NHSL1: variants seen among roughly 807,000 people sequenced by gnomAD.
NHSL1 encodes the protein NHS like 1.
A neutral mutation model predicts 95.0 loss-of-function variants in NHSL1; 48 were observed. That is an observed-to-expected ratio of 0.51 (90% confidence interval 0.40 to 0.64). NHSL1 has a LOEUF of 0.64. Ranked by LOEUF, NHSL1 falls within the 30% of genes least tolerant of loss-of-function variation. The pLI, the probability that NHSL1 is intolerant of heterozygous loss-of-function variation, is 0.00. For synonymous variants in NHSL1, 783 were observed against 833.9 expected (o/e 0.94, Z 1.05); for missense variants, 1,971 against 2,077.7 (o/e 0.95, Z 1.00).
chr6:138,546,732 A>T (rs1180069253), upstream of NHSL1, among the ~76,000 whole-genome samples: 1 of 152,256 alleles, frequency 6.6e-6, no homozygotes, highest in African/African-American at 2.4e-5. Flanking sequence ...GCAGCATTAG[A>T]GTACGAGAAT....
At chr6:138,641,969 A>G (rs193220238) in intron 1 of NHSL1, among the ~76,000 whole-genome samples, 6 of 152,324 alleles carry the variant, frequency 3.9e-5, no homozygotes, top group Non-Finnish European at 8.8e-5. Flanking sequence ...GACTATAAAA[A>G]GAAAAAATTT....
At chr6:138,592,764 G>C (rs150983006) in intron 1 of NHSL1, among the ~76,000 whole-genome samples, 1 of 152,084 alleles carries the variant, frequency 6.6e-6, no homozygotes, top group Non-Finnish European at 1.5e-5. Context: ...TCTAAATATC[G>C]TAAGACATAT....
At chr6:138,513,511 A>C (rs1781324093) in intron 1 of NHSL1, among the ~76,000 whole-genome samples, 1 of 152,146 alleles carries the variant, frequency 6.6e-6, no homozygotes, top group African/African-American at 2.4e-5. Flanking sequence ...AGCTGGGATG[A>C]GTAACTTTTT....
intron 5 of NHSL1, among the ~76,000 whole-genome samples, chr6:138,437,247 C>T (rs984873701): frequency 2.7e-5 from 4 of 146,722 alleles, no homozygotes; most frequent in Non-Finnish European, 6.0e-5. Flanking sequence ...GCACTCCAGC[C>T]TGGGCAACAA....
chr6:138,687,481 T>C (rs1426127544), intron 1 of NHSL1, among the ~76,000 whole-genome samples: 5 of 152,166 alleles, frequency 3.3e-5, no homozygotes, highest in African/African-American at 7.2e-5. Flanking sequence ...ACTATGAGCC[T>C]ACTGTGTCTG....
At chr6:138,586,482 G>C (rs1448539071) in intron 1 of NHSL1, among the ~76,000 whole-genome samples, 1 of 152,174 alleles carries the variant, frequency 6.6e-6, no homozygotes, top group South Asian at 2.1e-4. Flanking sequence ...TTGAGGTACA[G>C]TAAGTAACAT....
chr6:138,656,531 C>T (rs1472550305), intron 1 of NHSL1, among the ~76,000 whole-genome samples: 1 of 152,082 alleles, frequency 6.6e-6, no homozygotes, highest in African/African-American at 2.4e-5. Context: ...CTGAAATGTG[C>T]ATGTGTATTT....
exon 1 of NHSL1, chr6:138,572,211 A>C (rs1199853112): frequency 1.4e-5 from 4 of 291,056 alleles, no homozygotes; most frequent in African/African-American, 2.2e-5. Context: ...AATTTAAAAA[A>C]TGAAGCAGCG....
In NHSL1 at chr6:138,424,106, C is replaced by A; in HGVS notation, c.4796G>T (p.Gly1599Val). ...AEGREPSPQC[G>V]GSLSEES ...CTAACTCTCCTCGCTCAGAGAACCG[C>A]CACACTGTGGGGAGGGCTCTCTGCC... Residue 1599 changes from glycine to valine, a missense_variant, in exon 8 of 8, where the codon GGC (glycine) becomes GTC (valine). This residue lies in a region of NHSL1 where 223 missense variants were observed against 217.0 expected (regional missense o/e 1.03). Transcript: ENST00000343505. The surrounding 1 kb of genome is among the most constrained non-coding windows in gnomAD (Gnocchi z 5.9). 7.1e-7 allele frequency: 1 copy of A among 1,406,802 alleles called. No individual in the cohort carries two copies. Among genetic ancestry groups the A allele is most frequent in the Non-Finnish European group, 9.2e-7 (1 of 1,081,906 alleles). The allele number at this position is 1,406,802 out of a possible 1,614,324, so 87.1% of individuals were successfully genotyped here. A position where few individuals can be genotyped will look rare whatever the true frequency, so the allele number is the denominator to read the frequency against.
chr6:138,628,314 A>G (rs1784772341), intron 1 of NHSL1, among the ~76,000 whole-genome samples: 2 of 151,558 alleles, frequency 1.3e-5, no homozygotes, highest in Non-Finnish European at 2.9e-5. Flanking sequence ...TCCATCTCAA[A>G]AAAAAAAAAA....
intron 3 of NHSL1, among the ~76,000 whole-genome samples, chr6:138,448,340 T>C (rs574226669): frequency 6.6e-6 from 1 of 152,306 alleles, no homozygotes; most frequent in East Asian, 1.9e-4. Flanking sequence ...TGACAGCTTA[T>C]AATATAAAAT....
intron 1 of NHSL1, among the ~76,000 whole-genome samples, chr6:138,625,641 TA>T (rs57534545): frequency 0.043 from 5,935 of 138,722 alleles, 137 homozygotes; most frequent in African/African-American, 0.065. Context: ...CTTTTTTAAT[TA>T]AAAAAAAAAA....
chr6:138,681,328 G>A (rs1785508965), intron 1 of NHSL1, among the ~76,000 whole-genome samples: 1 of 152,204 alleles, frequency 6.6e-6, no homozygotes, highest in African/African-American at 2.4e-5. Context: ...CAGAAGGAGT[G>A]AGACTTTTCA....
exon 1 of NHSL1, chr6:138,545,700 A>G: frequency 7.8e-7 from 1 of 1,283,490 alleles, no homozygotes; most frequent in South Asian, 1.3e-5. Flanking sequence ...AGTGCTAGGC[A>G]CAGCTGTCTC....
intron 1 of NHSL1, among the ~76,000 whole-genome samples, chr6:138,593,833 A>G (rs1438746286): frequency 6.6e-6 from 1 of 152,256 alleles, no homozygotes; most frequent in Admixed American, 6.5e-5. Flanking sequence ...TTGTTAATTC[A>G]GTCCAACTTC....
At chr6:138,645,937 G>C (rs957845079) in intron 1 of NHSL1, among the ~76,000 whole-genome samples, 6 of 152,160 alleles carry the variant, frequency 3.9e-5, no homozygotes, top group African/African-American at 1.4e-4. Flanking sequence ...TGTTAAAAAT[G>C]TTTTAAATGA....
At position 138,664,397 on chromosome 6, in the gene NHSL1, A is replaced by G. The variant is rs1045735044; in HGVS notation, c.96+28079T>C. Among the ~76,000 whole-genome samples, 6 of 152,306 alleles carry G rather than the reference A, an allele frequency of 3.9e-5. 1 individual carries two copies. The highest frequency in any genetic ancestry group is 6.8e-3 in the Middle Eastern group (2 of 294). On this transcript the variant is annotated intron_variant, in intron 1 of 3. Transcript: ENST00000491526. ...TGCAAGAAGTTCACAGATTAGTTTT[A>G]GGGAAAAAACACATATGCCAAGAAT...
intron 1 of NHSL1, among the ~76,000 whole-genome samples, chr6:138,641,430 T>G (rs73566652): frequency 0.044 from 6,697 of 152,168 alleles, 393 homozygotes; most frequent in African/African-American, 0.14. Context: ...GGAATGCATG[T>G]GAAACGTACA....
upstream of NHSL1, among the ~76,000 whole-genome samples, chr6:138,547,156 T>C (rs1393399457): frequency 6.6e-6 from 1 of 152,184 alleles, no homozygotes; most frequent in Non-Finnish European, 1.5e-5. Flanking sequence ...TATGTTCTTT[T>C]GGTTTTCAAC....
Sources: allele counts gnomAD v4.1 joint callset (sites outside exome capture counted in the v4.1 genomes callset), GRCh38; gene constraint gnomAD v4.1.1; regional missense constraint gnomAD v4.1.1; non-coding constraint Gnocchi (gnomAD v3.1); transcripts MANE v1.5; gene names NCBI Gene and HGNC (gene_info 2026-07-23, HGNC 2026-07-21).